Variants in SYCE1L observed in about 807,000 individuals in gnomAD.
SYCE1L encodes the protein synaptonemal complex central element protein 1-like.
SYCE1L carries 51 observed loss-of-function variants against 39.6 expected under a neutral mutation model. The observed-to-expected ratio is 1.29, with a 90% CI of 1.03 to 1.63. The LOEUF (loss-of-function observed/expected upper bound fraction) is 1.63. SYCE1L is among the 40% of genes most tolerant of loss of function. The pLI, the probability that SYCE1L is intolerant of heterozygous loss-of-function variation, is 0.00. For synonymous variants in SYCE1L, 147 were observed against 122.4 expected, an observed-to-expected ratio of 1.20 and a Z score of -1.33; for missense variants, 426 against 304.9, an observed-to-expected ratio of 1.40 and a Z score of -2.96.
At position 77,213,114 on chromosome 16, in the gene SYCE1L, C is replaced by T. The variant is rs1009932273; in HGVS notation, c.*183C>T. On this transcript the variant is annotated 3_prime_UTR_variant, in exon 11 of 11. Transcript: ENST00000378644. ...CCTCCCACCAGTCGAGCCCCGGGCG[C>T]CGTACAGAGGCTGGGTAAATGCTCC... 2 of 537,720 alleles carry T rather than the reference C, an allele frequency of 3.7e-6. No homozygotes were observed. Among genetic ancestry groups the T allele is most frequent in the Non-Finnish European group, 6.0e-6 (2 of 335,170 alleles). The allele number at this position is 537,720 out of a possible 1,614,324, so 33.3% of individuals were successfully genotyped here.
intron 6 of SYCE1L, among the ~76,000 whole-genome samples, chr16:77,210,583 A>T (rs996339368): frequency 6.6e-6 from 1 of 151,988 alleles, no homozygotes; most frequent in African/African-American, 2.4e-5. Flanking sequence ...GGAAACTGAG[A>T]CCCAGAGAGG....
intron 1 of SYCE1L, among the ~76,000 whole-genome samples, chr16:77,202,713 A>G (rs554736934): frequency 1.5e-4 from 23 of 152,328 alleles, no homozygotes; most frequent in African/African-American, 5.5e-4. Context: ...GTCCTTAAGT[A>G]GTTGAGACTC....
At chr16:77,206,377 G>T in intron 1 of SYCE1L, 64 bp from the exon 2 acceptor site, 1 of 1,461,640 alleles carries the variant, frequency 6.8e-7, no homozygotes. Context: ...GGGACTTCCT[G>T]CCTCCCTTCT....
intron 1 of SYCE1L, chr16:77,200,272 G>GTATATATATATA (rs1333107439): frequency 1.1e-4 from 9 of 84,632 alleles, no homozygotes; most frequent in East Asian, 3.3e-4. Flanking sequence ...ATATATATAT[G>GTATATATATATA]TGTATATATA....
chr16:77,200,184 A>G (rs1305185837), intron 1 of SYCE1L: 1 of 149,488 alleles, frequency 6.7e-6, no homozygotes, highest in Non-Finnish European at 1.5e-5. Flanking sequence ...CTATATATAC[A>G]TATACATATG....
chr16:77,208,355 C>A, intron 3 of SYCE1L, 86 bp downstream of exon 3: 2 of 1,538,034 alleles, frequency 1.3e-6, no homozygotes, highest in Non-Finnish European at 1.8e-6. Context: ...TCTATAAAAT[C>A]TAGGCCCCTC....
rs9924958 is a variant in SYCE1L at position 77,212,213 on chromosome 16, G to A, written c.493+14G>A. ...TGCTCTCGGAGAGTGAGCCTCCCGCGCCAGGTGGGCGGGGGGAGGGGGATG... is the reference window on the plus strand; with the variant it reads ...TGCTCTCGGAGAGTGAGCCTCCCGCACCAGGTGGGCGGGGGGAGGGGGATG... On this transcript the variant is annotated intron_variant, in intron 8 of 10. Coordinates refer to ENST00000378644, the MANE Select transcript of SYCE1L (RefSeq NM_001129979.3). 9 of 1,545,320 alleles carry A rather than the reference G, an allele frequency of 5.8e-6. No individual in the cohort carries two copies. The highest frequency in any genetic ancestry group is 7.0e-6 in the Non-Finnish European group (8 of 1,144,640).
intron 6 of SYCE1L, 33 bp from the exon 7 acceptor site, chr16:77,211,180 T>C: frequency 5.2e-6 from 8 of 1,551,544 alleles, no homozygotes; most frequent in Non-Finnish European, 7.0e-6. Flanking sequence ...AGGCCTAGCA[T>C]GTGTTCTCTT....
intron 1 of SYCE1L, chr16:77,200,274 G>GTGTATATATATATATA (rs1254014728): frequency 5.3e-5 from 6 of 113,578 alleles, no homozygotes; most frequent in African/African-American, 2.1e-4. Context: ...ATATATATGT[G>GTGTATATATATATATA]TATATATATA....
At chr16:77,205,887 A>G (rs2054782602) in intron 1 of SYCE1L, among the ~76,000 whole-genome samples, 1 of 152,142 alleles carries the variant, frequency 6.6e-6, no homozygotes, top group African/African-American at 2.4e-5. Context: ...AACTTAGCTG[A>G]AACAAACTCT....
chr16:77,212,418 G>A, intron 9 of SYCE1L, 49 bp downstream of exon 9: 2 of 1,531,528 alleles, frequency 1.3e-6, no homozygotes, highest in South Asian at 1.2e-5. Context: ...GCAGGGCGGA[G>A]GGGAACCCGC....
chr16:77,208,986 A>AC, intron 4 of SYCE1L, 111 bp from the exon 5 acceptor site: 1 of 1,193,998 alleles, frequency 8.4e-7, no homozygotes, highest in Non-Finnish European at 1.2e-6. Context: ...AAGATACCTC[A>AC]CCTCTCCTAG....
intron 2 of SYCE1L, 27 bp from the exon 3 acceptor site, chr16:77,208,183 T>C: frequency 6.5e-7 from 1 of 1,548,986 alleles, no homozygotes. Flanking sequence ...CTTCTCTGGC[T>C]CACTCTTTCT....
intron 4 of SYCE1L, among the ~76,000 whole-genome samples, chr16:77,208,843 C>A (rs775054582): frequency 9.2e-5 from 14 of 152,206 alleles, no homozygotes; most frequent in Non-Finnish European, 1.3e-4. Flanking sequence ...TTATAGCCAT[C>A]TTTCTCCTCA....
In SYCE1L at chr16:77,209,188, C is replaced by T. The variant is rs868145834; in HGVS notation, c.304+44C>T. On this transcript the variant is annotated intron_variant, in intron 5 of 10. Transcript: ENST00000378644. ...GTCTTCCTTATTCTACTCTTCCACC[C>T]CACAAAAGTCTATGCTCCTCAGAGC... 4 of 1,545,778 alleles carry T rather than the reference C, an allele frequency of 2.6e-6. No individual in the cohort carries two copies. In the African/African-American group the frequency reaches 5.5e-5, roughly 21 times the overall value.
intron 1 of SYCE1L, 129 bp downstream of exon 1, chr16:77,199,641 A>T: frequency 1.2e-6 from 1 of 813,380 alleles, no homozygotes; most frequent in Non-Finnish European, 1.9e-6. Flanking sequence ...GCCTTTTGTT[A>T]TTGAAGAAAA....
At position 77,206,504 on chromosome 16, in the gene SYCE1L, A is replaced by T; in HGVS notation, c.121+4A>T. The T allele has an allele frequency of 6.4e-7, 1 of 1,551,720 alleles. No individual in the cohort carries two copies. On this transcript the variant is annotated splice_donor_region_variant and intron_variant, in intron 2 of 10. Coordinates refer to ENST00000378644, the MANE Select transcript of SYCE1L (RefSeq NM_001129979.3). ...ATGGTGATAAAGCTGCAGAAAGGTC[A>T]TGTGTCTCTTTGTTTCTGAGCCTCA...
intron 6 of SYCE1L, among the ~76,000 whole-genome samples, chr16:77,210,258 C>T (rs530383020): frequency 2.7e-4 from 41 of 152,238 alleles, no homozygotes; most frequent in Non-Finnish European, 5.3e-4. Context: ...AGGCTGGTCT[C>T]GAACTCTCGA....
At chr16:77,211,922 T>G (rs562673425) in intron 7 of SYCE1L, among the ~76,000 whole-genome samples, 1 of 151,610 alleles carries the variant, frequency 6.6e-6, no homozygotes, top group South Asian at 2.1e-4. Context: ...AGTTCAAGTT[T>G]GAGAGGTGCC....
Sources: gnomAD v4.1 joint callset for allele counts (sites outside exome capture counted in the v4.1 genomes callset) on GRCh38, gnomAD v4.1.1 for gene constraint, MANE v1.5 for transcripts, NCBI Gene and HGNC (gene_info 2026-07-23, HGNC 2026-07-21) for gene names.